Variants in ANK3 observed in about 807,000 individuals in gnomAD.
ANK3 encodes the protein ankyrin 3.
ANK3 carries 57 observed loss-of-function variants against 370.9 expected under a neutral mutation model. The observed-to-expected ratio is 0.15, with a 90% CI of 0.12 to 0.19. The LOEUF is 0.19. ANK3 is among the 10% of genes least tolerant of loss of function. ANK3 has a pLI of 1.00. For synonymous variants in ANK3, 1,929 were observed against 1,946.3 expected, an observed-to-expected ratio of 0.99 and a Z score of 0.23; for missense variants, 4,439 against 5,302.1, an observed-to-expected ratio of 0.84 and a Z score of 5.06.
At chr10:60,384,726 T>C (rs981913861) in intron 1 of ANK3, among the ~76,000 whole-genome samples, 1 of 152,218 alleles carries the variant, frequency 6.6e-6, no homozygotes, top group Non-Finnish European at 1.5e-5. Context: ...TGTAATACCC[T>C]ACCTAGTGTA....
At chr10:60,637,961 C>G (rs1400770395) in intron 1 of ANK3, among the ~76,000 whole-genome samples, 1 of 152,146 alleles carries the variant, frequency 6.6e-6, no homozygotes, top group African/African-American at 2.4e-5. Context: ...GCCACACCCT[C>G]AATAGGTTGG....
At chr10:60,270,358 T>C (rs900491762) in intron 4 of ANK3, 129 bp from the exon 5 acceptor site, 4 of 470,314 alleles carry the variant, frequency 8.5e-6, no homozygotes, top group Admixed American at 4.1e-5. Context: ...CATATAGATA[T>C]AAATATTTAT....
At chr10:60,078,634 T>G (rs2084369435) in intron 36 of ANK3, among the ~76,000 whole-genome samples, 1 of 152,160 alleles carries the variant, frequency 6.6e-6, no homozygotes, top group Non-Finnish European at 1.5e-5. Context: ...GACATATATT[T>G]TGGGATCCCT....
At chr10:60,058,704 GAA>G (rs1020298224) in intron 41 of ANK3, among the ~76,000 whole-genome samples, 1 of 152,008 alleles carries the variant, frequency 6.6e-6, no homozygotes, top group African/African-American at 2.4e-5. Flanking sequence ...TTGCAGTTAG[GAA>G]AAAAACAGTA....
rs190600794 is a variant in ANK3, at chr10:60,303,089, C to T, written c.115-23450G>A. On this transcript the variant is annotated intron_variant, in intron 1 of 43. Transcript: ENST00000280772. ...GGATTACAGGCTTAAATGTAAGACC[C>T]CAAACCATGAAACTATAGAAGAAAA... 1.8e-3 allele frequency among the ~76,000 whole-genome samples: 276 copies of T among 152,108 alleles called. 1 individual carries two copies. The Middle Eastern group carries it at 0.024, about 13-fold the overall frequency.
At chr10:60,702,262 T>C (rs1440505913) in intron 1 of ANK3, among the ~76,000 whole-genome samples, 7 of 129,268 alleles carry the variant, frequency 5.4e-5, no homozygotes. Flanking sequence ...CAAGACCCTG[T>C]CTCAAAAAAA....
At chr10:60,434,494 GT>G (rs919914910) in intron 2 of ANK3, among the ~76,000 whole-genome samples, 7 of 152,104 alleles carry the variant, frequency 4.6e-5, no homozygotes, top group African/African-American at 1.2e-4. Flanking sequence ...CTTCCAATTT[GT>G]TTTCTTTAAA....
intron 1 of ANK3, among the ~76,000 whole-genome samples, chr10:60,326,339 C>T (rs1489920320): frequency 6.6e-6 from 1 of 152,072 alleles, no homozygotes; most frequent in African/African-American, 2.4e-5. Context: ...AAGCTGGTAT[C>T]AGTTTTGACA....
chr10:60,063,498 A>C (rs1434685962), intron 39 of ANK3, among the ~76,000 whole-genome samples: 1 of 152,246 alleles, frequency 6.6e-6, no homozygotes, highest in African/African-American at 2.4e-5. Context: ...CCTTAAAATA[A>C]CTAGATTCCT....
At chr10:60,541,159 C>G (rs1005620709) in intron 2 of ANK3, among the ~76,000 whole-genome samples, 6 of 151,652 alleles carry the variant, frequency 4.0e-5, no homozygotes, top group African/African-American at 1.5e-4. Context: ...TATCTTAGGT[C>G]AAAAATAAGC....
intron 2 of ANK3, among the ~76,000 whole-genome samples, chr10:60,462,120 C>T (rs1398444875): frequency 2.0e-5 from 3 of 152,026 alleles, no homozygotes; most frequent in Non-Finnish European, 4.4e-5. Flanking sequence ...TGGCAGAAAT[C>T]AGTGCTTTTC....
intron 1 of ANK3, among the ~76,000 whole-genome samples, chr10:60,634,064 T>C (rs1056287684): frequency 6.6e-6 from 1 of 152,244 alleles, no homozygotes; most frequent in Non-Finnish European, 1.5e-5. Context: ...GGAGTTCAGG[T>C]GTAACTATTT....
At chr10:60,579,038 T>C (rs1160059648) in intron 2 of ANK3, among the ~76,000 whole-genome samples, 1 of 151,984 alleles carries the variant, frequency 6.6e-6, no homozygotes, top group African/African-American at 2.4e-5. Context: ...GCTTAAAAGA[T>C]TTTTCTGGCC....
chr10:60,067,655 T>C (rs774848097), intron 38 of ANK3, among the ~76,000 whole-genome samples: 5 of 152,212 alleles, frequency 3.3e-5, no homozygotes, highest in Non-Finnish European at 5.9e-5. Context: ...AAGGTTAACC[T>C]ATATTACAGA....
intron 2 of ANK3, among the ~76,000 whole-genome samples, chr10:60,398,058 C>T (rs1159268913): frequency 6.6e-6 from 1 of 152,082 alleles, no homozygotes; most frequent in South Asian, 2.1e-4. Context: ...ATTTCAGGCT[C>T]CAAAGGCCAG....
intron 2 of ANK3, among the ~76,000 whole-genome samples, chr10:60,559,361 A>C (rs2077283179): frequency 6.6e-6 from 1 of 152,084 alleles, no homozygotes; most frequent in African/African-American, 2.4e-5. Context: ...AGAACATAAA[A>C]TGTTTGGTTT....
chr10:60,217,932 C>A (rs1033148147), intron 8 of ANK3, among the ~76,000 whole-genome samples: 2 of 151,924 alleles, frequency 1.3e-5, no homozygotes, highest in Non-Finnish European at 2.9e-5. Flanking sequence ...TGAATCTGAG[C>A]GATCTTTTAT....
rs551395811 is a variant in ANK3 at position 60,154,490 on chromosome 10, T to G, written c.2614+12101A>C. ...TTACTTTTTTGAGTTTTGGATTGTG[T>G]CAAGTCAAAATCTGTTTATTCCACC... On this transcript the variant is annotated intron_variant, in intron 23 of 43. Transcript: ENST00000280772. Among the ~76,000 whole-genome samples the G allele has an allele frequency of 9.9e-5, 15 of 152,248 alleles. No homozygotes were observed. The South Asian group carries it at 3.1e-3, about 32-fold the overall frequency.
At chr10:60,343,774 C>T (rs745731820) in intron 1 of ANK3, among the ~76,000 whole-genome samples, 4 of 152,128 alleles carry the variant, frequency 2.6e-5, no homozygotes, top group African/African-American at 9.7e-5. Context: ...TTGTAAGAGT[C>T]GTGTTGAACT....
Sources: gnomAD v4.1 joint callset for allele counts (sites outside exome capture counted in the v4.1 genomes callset) on GRCh38, gnomAD v4.1.1 for gene constraint, MANE v1.5 for transcripts, NCBI Gene and HGNC (gene_info 2026-07-23, HGNC 2026-07-21) for gene names.